RASL11B: variants seen among roughly 807,000 people sequenced by gnomAD.
RASL11B encodes RAS like family 11 member B, also known as ras-like protein family member 11B.
Under a neutral mutation model 22.9 loss-of-function variants are expected in RASL11B, and 14 were observed. The ratio of observed to expected loss-of-function variants is 0.61; its 90% confidence interval spans 0.40 to 0.96. The LOEUF (loss-of-function observed/expected upper bound fraction) is 0.96. Ranked by LOEUF, RASL11B falls within the 40% of genes least tolerant of loss-of-function variation. RASL11B has a pLI of 0.00. For missense variants in RASL11B, 261 were observed against 322.0 expected, an observed-to-expected ratio of 0.81 and a Z score of 1.45; for synonymous variants, 143 against 130.2, an observed-to-expected ratio of 1.10 and a Z score of -0.67.
At chr4:52,863,399 G>GGGA in intron 2 of RASL11B, 75 bp downstream of exon 2, 1 of 1,282,992 alleles carries the variant, frequency 7.8e-7, no homozygotes, top group Admixed American at 1.8e-5. Context: ...GCGCTTCCCA[G>GGGA]GGAGGTTCTT....
At chr4:52,864,717 C>G (rs1421796761) in intron 3 of RASL11B, among the ~76,000 whole-genome samples, 163 bp downstream of exon 3, 2 of 152,162 alleles carry the variant, frequency 1.3e-5, no homozygotes, top group East Asian at 3.8e-4. Context: ...GTTGGTCGAT[C>G]TTAGCATGGT....
rs1046695701 is a variant in RASL11B, at chr4:52,862,420, C to T, written c.-88C>T. ...TGTTATTTCTTACCGCGGAGCCCCG[C>T]AGTCGGGTCCTCCCGCCCGCTCCCG... On this transcript the variant is annotated 5_prime_UTR_variant, in exon 1 of 4. Coordinates refer to ENST00000248706, the MANE Select transcript of RASL11B (RefSeq NM_023940.3). 2 of 1,380,348 alleles carry T rather than the reference C, an allele frequency of 1.4e-6. No homozygotes were observed. The highest frequency in any genetic ancestry group is 2.2e-5 in the Admixed American group (1 of 45,154). 85.5% of individuals were successfully genotyped at this position (1,380,348 alleles called of 1,614,324 possible). A position where few individuals can be genotyped will look rare whatever the true frequency, so the allele number is the denominator to read the frequency against.
intron 2 of RASL11B, 39 bp downstream of exon 2, chr4:52,863,363 A>T: frequency 1.3e-6 from 2 of 1,546,622 alleles, no homozygotes; most frequent in Non-Finnish European, 1.8e-6. Context: ...GTCCCATTGC[A>T]GGAGGACTGC....
chr4:52,864,787 C>T (rs1025796416), intron 3 of RASL11B, among the ~76,000 whole-genome samples: 6 of 152,104 alleles, frequency 3.9e-5, no homozygotes, highest in African/African-American at 1.2e-4. Flanking sequence ...TCAACACAGC[C>T]GGAAAGCCCA....
intron 2 of RASL11B, 40 bp from the exon 3 acceptor site, chr4:52,864,438 C>T (rs774894122): frequency 7.8e-7 from 1 of 1,282,586 alleles, no homozygotes; most frequent in Non-Finnish European, 1.1e-6. Context: ...AAAAGTTGTA[C>T]AAGAAGGAAG....
chr4:52,862,570 C>T lies in RASL11B; in HGVS notation c.63C>T (p.Ala21=), dbSNP rs1433390021. The change falls in exon 1 of 4, where the codon GCC becomes GCT. Residue 21 remains alanine, a synonymous_variant. Coordinates refer to ENST00000248706, the MANE Select transcript of RASL11B (RefSeq NM_023940.3). ...AEYPAPGNAA[A]SDCCVGAAGR... is the part of the protein sequence containing the mutation. Reference sequence around the variant, plus strand: ...ACCCCGCGCCGGGCAACGCCGCGGCCTCCGACTGCTGTGTGGGCGCCGCCG... The same window carrying T: ...ACCCCGCGCCGGGCAACGCCGCGGCTTCCGACTGCTGTGTGGGCGCCGCCG... The T allele has an allele frequency of 2.5e-6, 4 of 1,604,160 alleles. No individual in the cohort carries two copies. Among genetic ancestry groups the T allele is most frequent in the African/African-American group, 1.3e-5 (1 of 74,164 alleles).
At chr4:52,864,395 AT>A (rs574183704) in intron 2 of RASL11B, 82 bp from the exon 3 acceptor site, 77 of 874,356 alleles carry the variant, frequency 8.8e-5, no homozygotes, top group East Asian at 4.9e-4. Context: ...TGCATTGTGC[AT>A]TTTTTTTCTA....
intron 2 of RASL11B, 57 bp from the exon 3 acceptor site, chr4:52,864,421 A>G: frequency 9.0e-7 from 1 of 1,111,980 alleles, no homozygotes; most frequent in African/African-American, 1.5e-5. Flanking sequence ...AAAACTCACA[A>G]TGTTTTAAAA....
chr4:52,864,366 G>A (rs1241949292), intron 2 of RASL11B, 112 bp from the exon 3 acceptor site: 6 of 625,576 alleles, frequency 9.6e-6, no homozygotes, highest in Admixed American at 2.5e-5. Flanking sequence ...ATAAACTATC[G>A]CTGTTTTGTG....
intron 2 of RASL11B, 99 bp downstream of exon 2, chr4:52,863,423 G>T: frequency 1.0e-6 from 1 of 971,500 alleles, no homozygotes. Context: ...GTGACAGTCC[G>T]AGCCTGAGGA....
In RASL11B at chr4:52,862,351, C is replaced by G. The variant is rs919690487; in HGVS notation, c.-157C>G. 4 of 717,678 alleles carry G rather than the reference C, an allele frequency of 5.6e-6. No homozygotes were observed. Among genetic ancestry groups the G allele is most frequent in the South Asian group, 2.2e-5 (1 of 45,982 alleles). 44.5% of individuals were successfully genotyped at this position (717,678 alleles called of 1,614,324 possible). A position where few individuals can be genotyped will look rare whatever the true frequency, so the allele number is the denominator to read the frequency against. On this transcript the variant is annotated 5_prime_UTR_variant, in exon 1 of 4. Transcript: ENST00000248706. ...CTGGAGCCTGAGCCCTGCGGAACCT[C>G]GGCGCTCGGCCCCACCCCGCCCGTA...
chr4:52,865,683 A>G lies in RASL11B; in HGVS notation c.625A>G (p.Ser209Gly), dbSNP rs1718243696. ...GGTCAGTCACAAACAGCAGCCTAGC[A>G]GTACACCCGAGAAGCGAAGAACCTC... Reference protein sequence around the residue: ...KEVSHKQQPSSTPEKRRTSLI... With the variant: ...KEVSHKQQPSGTPEKRRTSLI... Residue 209 changes from serine (S) to glycine (G), a missense_variant, in exon 4 of 4, where the codon AGT becomes GGT. Coordinates refer to ENST00000248706, the MANE Select transcript of RASL11B (RefSeq NM_023940.3). The G allele has an allele frequency of 6.2e-6, 10 of 1,614,166 alleles. No individual in the cohort carries two copies. The highest frequency in any genetic ancestry group is 1.1e-5 in the South Asian group (1 of 91,078).
chr4:52,865,513 A>T lies in RASL11B; in HGVS notation c.455A>T (p.Asn152Ile). ...GTRLPVVVVA[N>I]KADLLHIKQV... ...CGGCTGCCTGTGGTGGTCGTGGCCA[A>T]CAAAGCTGACCTGTTGCACATCAAA... The change falls in exon 4 of 4, where the codon AAC becomes ATC. Residue 152 changes from asparagine (N) to isoleucine (I), a missense_variant. By Grantham distance (149) the Asn-to-Ile change is moderately radical (BLOSUM62 -3). Coordinates refer to ENST00000248706, the MANE Select transcript of RASL11B (RefSeq NM_023940.3). The T allele has an allele frequency of 6.2e-7, 1 of 1,614,220 alleles. No individual in the cohort carries two copies. The highest frequency in any genetic ancestry group is 8.5e-7 in the Non-Finnish European group (1 of 1,180,032).
In RASL11B at chr4:52,866,108, G is replaced by GT; in HGVS notation, c.*304dup. The GT allele has an allele frequency of 2.6e-6, 1 of 377,506 alleles. No homozygotes were observed. The highest frequency in any genetic ancestry group is 4.8e-6 in the Non-Finnish European group (1 of 207,846). The allele number at this position is 377,506 out of a possible 1,614,324, so 23.4% of individuals were successfully genotyped here. On this transcript the variant is annotated 3_prime_UTR_variant, in exon 4 of 4. Coordinates refer to ENST00000248706, the MANE Select transcript of RASL11B (RefSeq NM_023940.3). Reference sequence around the variant, plus strand: ...TTCGGTTTCTGCATTCAACTACCTTGTAAATGGTGGTCCGTTGCAGTTTCA... The same window carrying GT: ...TTCGGTTTCTGCATTCAACTACCTTGTTAAATGGTGGTCCGTTGCAGTTTCA...
Position 52,865,796 on chromosome 4 carries a change from C to A in RASL11B, c.738C>A (p.Thr246=), listed in dbSNP as rs146441700. The A allele has an allele frequency of 2.5e-6, 4 of 1,613,200 alleles. No homozygotes were observed. The highest frequency in any genetic ancestry group is 1.7e-4 in the Middle Eastern group (1 of 5,960). The change falls in exon 4 of 4, where the codon ACC becomes ACA. Residue 246 remains threonine, a synonymous_variant. Coordinates refer to ENST00000248706, the MANE Select transcript of RASL11B (RefSeq NM_023940.3). ...QALSAKVRTV[T]SV is the part of the protein sequence containing the mutation. ...TCTCTGCCAAAGTGAGGACTGTCAC[C>A]TCCGTCTGAAGCAGGAGGAGCACTC... is the stretch of plus-strand genomic sequence containing the variant.
chr4:52,865,821 C>A lies in RASL11B; in HGVS notation c.*16C>A. Reference sequence around the variant, plus strand: ...CTCCGTCTGAAGCAGGAGGAGCACTCAAGGGGGTTTGGTCTTCCCAGGAAG... The same window carrying A: ...CTCCGTCTGAAGCAGGAGGAGCACTAAAGGGGGTTTGGTCTTCCCAGGAAG... On this transcript the variant is annotated 3_prime_UTR_variant, in exon 4 of 4. Coordinates refer to ENST00000248706, the MANE Select transcript of RASL11B (RefSeq NM_023940.3). 2 of 1,598,980 alleles carry A rather than the reference C, an allele frequency of 1.3e-6. No individual in the cohort carries two copies. Among genetic ancestry groups the A allele is most frequent in the South Asian group, 2.2e-5 (2 of 90,388 alleles).
In RASL11B at chr4:52,862,461, C is replaced by G. The variant is rs1357391483; in HGVS notation, c.-47C>G. On this transcript the variant is annotated 5_prime_UTR_variant, in exon 1 of 4. Coordinates refer to ENST00000248706, the MANE Select transcript of RASL11B (RefSeq NM_023940.3). ...CCCGCTCCCGCGCAGCGCTAGCATTCTCCAGTCCCTCAGTCCCTTCCCGCG... is the reference window on the plus strand; with the variant it reads ...CCCGCTCCCGCGCAGCGCTAGCATTGTCCAGTCCCTCAGTCCCTTCCCGCG... 1.9e-6 allele frequency: 3 copies of G among 1,580,558 alleles called. No individual in the cohort carries two copies. Among genetic ancestry groups the G allele is most frequent in the Middle Eastern group, 1.8e-4 (1 of 5,658 alleles).
chr4:52,862,693 C>G, intron 1 of RASL11B, 44 bp downstream of exon 1: 4 of 1,495,580 alleles, frequency 2.7e-6, no homozygotes, highest in Non-Finnish European at 3.5e-6. Flanking sequence ...TGGACGACCC[C>G]TGACGGGAGT....
intron 3 of RASL11B, 58 bp from the exon 4 acceptor site, chr4:52,865,277 G>A (rs1420065007): frequency 9.0e-6 from 13 of 1,439,580 alleles, no homozygotes; most frequent in Middle Eastern, 1.9e-4. Context: ...ATCTACCCAA[G>A]CCCAGGCTCT....
Sources: allele counts gnomAD v4.1 joint callset (sites outside exome capture counted in the v4.1 genomes callset), GRCh38; gene constraint gnomAD v4.1.1; transcripts MANE v1.5; gene names NCBI Gene and HGNC (gene_info 2026-07-23, HGNC 2026-07-21).